TMEM132D: variants seen among roughly 807,000 people sequenced by gnomAD.
TMEM132D encodes the protein mature OL transmembrane protein.
In TMEM132D, 21 loss-of-function variants were observed where a neutral mutation model predicts 62.3. That is an observed-to-expected ratio of 0.34 (90% confidence interval 0.24 to 0.49). The LOEUF is 0.49. TMEM132D is among the 20% of genes least tolerant of loss of function. TMEM132D has a pLI of 0.99. For missense variants in TMEM132D, 1,346 were observed against 1,402.8 expected (o/e 0.96, Z 0.65); for synonymous variants, 621 against 575.6 (o/e 1.08, Z -1.13).
At chr12:129,482,386 T>G (rs1463702336) in intron 3 of TMEM132D, among the ~76,000 whole-genome samples, 1 of 152,218 alleles carries the variant, frequency 6.6e-6, no homozygotes, top group Non-Finnish European at 1.5e-5. Context: ...AGCATACCCA[T>G]GCTATATTAA....
chr12:129,117,530 T>C (rs1057490044), intron 5 of TMEM132D, among the ~76,000 whole-genome samples: 4 of 151,996 alleles, frequency 2.6e-5, no homozygotes, highest in Admixed American at 2.6e-4. Context: ...TCGGCTTACT[T>C]AATTTTCAAG....
chr12:129,110,752 A>G (rs1875671651), intron 5 of TMEM132D: 1 of 152,224 alleles, frequency 6.6e-6, no homozygotes, highest in Non-Finnish European at 1.5e-5. Context: ...GCCGCACACC[A>G]CAGGCCCATG....
At chr12:129,102,359 C>T (rs904825311) in intron 5 of TMEM132D, among the ~76,000 whole-genome samples, 3 of 150,958 alleles carry the variant, frequency 2.0e-5, no homozygotes, top group African/African-American at 4.9e-5. Context: ...CACATATGTA[C>T]GCATGCACAC....
At chr12:129,321,786 C>T (rs1043803221) in intron 4 of TMEM132D, among the ~76,000 whole-genome samples, 2 of 152,182 alleles carry the variant, frequency 1.3e-5, no homozygotes, top group African/African-American at 4.8e-5. Context: ...GTCTCGATCT[C>T]CTGACCTCGT....
intron 1 of TMEM132D, among the ~76,000 whole-genome samples, chr12:129,767,737 T>C (rs1346856674): frequency 6.6e-6 from 1 of 152,256 alleles, no homozygotes; most frequent in African/African-American, 2.4e-5. Context: ...CATTCATCCA[T>C]CAATGGATAC....
chr12:129,523,192 G>A (rs1033724297), intron 3 of TMEM132D, among the ~76,000 whole-genome samples: 2 of 152,156 alleles, frequency 1.3e-5, no homozygotes, highest in Admixed American at 6.5e-5. Flanking sequence ...GTAGCACATA[G>A]TTTTCTACAT....
rs1874457093 is a variant in TMEM132D at position 129,081,780 on chromosome 12, C to T, written c.1902G>A (p.Glu634=). ...LQGGQILMGQ[E]LGMTTIQILS... is the part of the protein sequence containing the mutation. ...TTACCTGAATGGTGGTCATCCCAAGCTCCTGCCCCATCAGGATCTGTCCGC... is the reference window on the plus strand; with the variant it reads ...TTACCTGAATGGTGGTCATCCCAAGTTCCTGCCCCATCAGGATCTGTCCGC... The change falls in exon 7 of 9, where the codon GAG becomes GAA. Residue 634 remains glutamate (E), a synonymous_variant. Transcript: ENST00000422113. 7.5e-6 allele frequency: 12 copies of T among 1,610,026 alleles called. No individual in the cohort carries two copies. The East Asian group carries it at 2.7e-4, about 36-fold the overall frequency.
chr12:129,632,327 G>A (rs1879370953), intron 2 of TMEM132D, among the ~76,000 whole-genome samples: 1 of 152,106 alleles, frequency 6.6e-6, no homozygotes, highest in Admixed American at 6.5e-5. Flanking sequence ...TGGCAGGATT[G>A]GGGGTTTTGT....
intron 5 of TMEM132D, among the ~76,000 whole-genome samples, chr12:129,145,034 A>G (rs1337441317): frequency 2.6e-5 from 4 of 151,784 alleles, no homozygotes; most frequent in Non-Finnish European, 5.9e-5. Context: ...ATATATATGT[A>G]CATGTGCTTC....
At chr12:129,313,326 C>T (rs1466604474) in intron 4 of TMEM132D, among the ~76,000 whole-genome samples, 1 of 152,164 alleles carries the variant, frequency 6.6e-6, no homozygotes, top group Non-Finnish European at 1.5e-5. Context: ...CGTCCTCCTA[C>T]TCTTCCCATA....
intron 5 of TMEM132D, among the ~76,000 whole-genome samples, chr12:129,092,981 T>C (rs191670700): frequency 4.5e-4 from 68 of 152,316 alleles, no homozygotes; most frequent in Middle Eastern, 3.4e-3. Context: ...CTAACTCAGG[T>C]ATATTTGTTA....
intron 3 of TMEM132D, among the ~76,000 whole-genome samples, chr12:129,499,797 G>A (rs1235365576): frequency 2.6e-5 from 4 of 152,190 alleles, no homozygotes; most frequent in Non-Finnish European, 1.5e-5. Flanking sequence ...GCAGAGTCAT[G>A]GGGCGATTAA....
chr12:129,292,383 G>A (rs1881469278), intron 4 of TMEM132D, among the ~76,000 whole-genome samples: 1 of 152,212 alleles, frequency 6.6e-6, no homozygotes, highest in Admixed American at 6.5e-5. Flanking sequence ...AGGAGCCAAA[G>A]ATTCTTATAG....
intron 4 of TMEM132D, among the ~76,000 whole-genome samples, chr12:129,265,774 C>T (rs1880675089): frequency 6.6e-6 from 1 of 152,096 alleles, no homozygotes; most frequent in African/African-American, 2.4e-5. Flanking sequence ...TCTTCCTTCA[C>T]ATGTCATGTT....
At position 129,363,378 on chromosome 12, in the gene TMEM132D, C is replaced by T. The variant is rs115671981; in HGVS notation, c.1116-25561G>A. Among the ~76,000 whole-genome samples, 465 of 152,296 alleles carry T rather than the reference C, an allele frequency of 3.1e-3. 1 individual carries two copies. The highest frequency in any genetic ancestry group is 0.011 in the African/African-American group (448 of 41,562). On this transcript the variant is annotated intron_variant, in intron 3 of 8. Transcript: ENST00000422113. ...AAAGACCATTTTCCTTATGTAGCCA[C>T]GATCTCTTTAAGCATGCAGTTGAAT...
chr12:129,074,524 T>C lies in TMEM132D; in HGVS notation c.2651A>G (p.Asp884Gly), dbSNP rs373474487. 6.2e-7 allele frequency: 1 copy of C among 1,613,998 alleles called. No homozygotes were observed. The highest frequency in any genetic ancestry group is 1.1e-5 in the South Asian group (1 of 91,064). The part of the protein sequence containing the change: ...DNSHLQTIPS[D>G]LTSFPAQVDL... Reference sequence around the variant, plus strand: ...CACCTGGGCTGGGAAGCTGGTGAGGTCGCTGGGGATGGTCTGCAAGTGGCT... The same window carrying C: ...CACCTGGGCTGGGAAGCTGGTGAGGCCGCTGGGGATGGTCTGCAAGTGGCT... The change falls in exon 9 of 9, where the codon GAC becomes GGC. Residue 884 changes from aspartate (D) to glycine (G), a missense_variant. Physicochemically the swap from Asp to Gly is moderately conservative, Grantham distance 94. Coordinates refer to ENST00000422113, the MANE Select transcript of TMEM132D (RefSeq NM_133448.3).
chr12:129,610,194 T>C (rs1878733089), intron 2 of TMEM132D, among the ~76,000 whole-genome samples: 1 of 151,462 alleles, frequency 6.6e-6, no homozygotes, highest in Non-Finnish European at 1.5e-5. Flanking sequence ...ATAGAATTGC[T>C]TGAACCTGGG....
chr12:129,207,492 TG>T (rs1243435779), intron 5 of TMEM132D, among the ~76,000 whole-genome samples: 1 of 152,202 alleles, frequency 6.6e-6, no homozygotes, highest in Non-Finnish European at 1.5e-5. Context: ...AAGATTTTGC[TG>T]ACGCTGCTCA....
chr12:129,244,382 T>C (rs1566009797), intron 4 of TMEM132D, among the ~76,000 whole-genome samples: 2 of 43,066 alleles, frequency 4.6e-5, no homozygotes, highest in Non-Finnish European at 9.1e-5. Context: ...CGAGACTCTG[T>C]CTCAAAAAAA....
Sources: allele counts gnomAD v4.1 joint callset (sites outside exome capture counted in the v4.1 genomes callset), GRCh38; gene constraint gnomAD v4.1.1; transcripts MANE v1.5; gene names NCBI Gene and HGNC (gene_info 2026-07-23, HGNC 2026-07-21).